The following NAALADL2 variants were observed in gnomAD, a reference collection of about 807,000 sequenced individuals.
NAALADL2 encodes the protein N-acetylated alpha-linked acidic dipeptidase like 2.
In NAALADL2, 76 loss-of-function variants were observed where a neutral mutation model predicts 87.2. The ratio of observed to expected loss-of-function variants is 0.87; its 90% CI spans 0.72 to 1.05. NAALADL2 has a LOEUF of 1.05. Ranked by LOEUF, NAALADL2 falls within the 50% of genes least tolerant of loss-of-function variation. NAALADL2 has a pLI of 0.00. For synonymous variants in NAALADL2, 354 were observed against 331.0 expected (o/e 1.07, Z -0.75); for missense variants, 1,089 against 945.8 (o/e 1.15, Z -1.99).
At chr3:174,882,677 GTA>G (rs141867701) in intron 1 of NAALADL2, among the ~76,000 whole-genome samples, 2,647 of 135,508 alleles carry the variant, frequency 0.02, 106 homozygotes, top group African/African-American at 0.079. Flanking sequence ...ACACATATGT[GTA>G]TATGTGTATC....
chr3:175,056,512 A>G (rs111955041), intron 1 of NAALADL2, among the ~76,000 whole-genome samples: 30,550 of 152,010 alleles, frequency 0.2, 3,774 homozygotes, highest in African/African-American at 0.34. Flanking sequence ...GCCACTTGCC[A>G]AGACAAGGTG....
At chr3:174,897,705 A>C (rs1217869680) in intron 1 of NAALADL2, among the ~76,000 whole-genome samples, 1 of 152,204 alleles carries the variant, frequency 6.6e-6, no homozygotes, top group Admixed American at 6.5e-5. Context: ...TATGAAAGAT[A>C]TATCTGCACT....
chr3:175,629,724 T>C (rs925954924), intron 11 of NAALADL2, among the ~76,000 whole-genome samples: 2 of 151,688 alleles, frequency 1.3e-5, no homozygotes, highest in South Asian at 4.1e-4. Context: ...CACTTAAGAA[T>C]TTCAACTCCT....
At chr3:174,879,362 G>A (rs1728908361) in intron 1 of NAALADL2, among the ~76,000 whole-genome samples, 1 of 151,976 alleles carries the variant, frequency 6.6e-6, no homozygotes, top group Non-Finnish European at 1.5e-5. Context: ...GCACAATACT[G>A]TCTCCAAGTT....
At chr3:174,564,625 T>C (rs1322904887) in intron 2 of NAALADL2, among the ~76,000 whole-genome samples, 3 of 152,178 alleles carry the variant, frequency 2.0e-5, no homozygotes, top group Non-Finnish European at 4.4e-5. Context: ...TTTTGATTTA[T>C]TAATTTTTCT....
intron 1 of NAALADL2, among the ~76,000 whole-genome samples, chr3:175,016,277 A>ATAT (rs60595167): frequency 6.8e-6 from 1 of 147,822 alleles, no homozygotes; most frequent in African/African-American, 2.5e-5. Flanking sequence ...ATATATATAT[A>ATAT]AAAAACAATA....
chr3:175,155,474 G>A (rs571017554), intron 2 of NAALADL2, among the ~76,000 whole-genome samples: 75 of 152,250 alleles, frequency 4.9e-4, no homozygotes, highest in Admixed American at 4.1e-3. Context: ...AGTTCAGGAA[G>A]CTTCTGGTAA....
intron 1 of NAALADL2, among the ~76,000 whole-genome samples, chr3:174,505,034 T>C: frequency 6.6e-6 from 1 of 152,278 alleles, no homozygotes; most frequent in East Asian, 1.9e-4. Flanking sequence ...CGAAATAGAA[T>C]GCAGCACTTT....
At chr3:175,145,665 G>C (rs1730643154) in intron 2 of NAALADL2, among the ~76,000 whole-genome samples, 1 of 148,954 alleles carries the variant, frequency 6.7e-6, no homozygotes, top group Admixed American at 6.8e-5. Flanking sequence ...TTGTATTACT[G>C]TCTTGATACT....
intron 9 of NAALADL2, among the ~76,000 whole-genome samples, chr3:175,522,254 T>C (rs7612551): frequency 0.93 from 140,826 of 151,958 alleles, 65,330 homozygotes; most frequent in East Asian, 0.97. Context: ...ATAATGTAAT[T>C]TCATTAGTTG....
intron 6 of NAALADL2, among the ~76,000 whole-genome samples, chr3:175,454,005 T>A (rs1410795815): frequency 6.6e-6 from 1 of 152,098 alleles, no homozygotes; most frequent in Non-Finnish European, 1.5e-5. Flanking sequence ...TTGTTTTGAG[T>A]ATTAATTTTG....
chr3:174,492,073 C>G (rs1718229836), intron 1 of NAALADL2, among the ~76,000 whole-genome samples: 1 of 151,998 alleles, frequency 6.6e-6, no homozygotes, highest in African/African-American at 2.4e-5. Flanking sequence ...AGTTCAAGAC[C>G]AGCCTGGCCA....
chr3:175,175,109 A>G (rs963843045), intron 2 of NAALADL2, among the ~76,000 whole-genome samples: 30 of 152,040 alleles, frequency 2.0e-4, no homozygotes, highest in African/African-American at 6.8e-4. Flanking sequence ...TACAAATTCT[A>G]TCCAGTAAAG....
intron 5 of NAALADL2, among the ~76,000 whole-genome samples, chr3:175,417,063 T>G (rs1714773530): frequency 1.3e-5 from 2 of 149,736 alleles, no homozygotes; most frequent in African/African-American, 4.9e-5. Context: ...TTGGTTACAA[T>G]TGGGTTAAAT....
intron 8 of NAALADL2, among the ~76,000 whole-genome samples, chr3:175,469,114 T>A (rs1560603268): frequency 1.3e-5 from 2 of 152,076 alleles, no homozygotes; most frequent in Non-Finnish European, 2.9e-5. Context: ...TTTACTGGCA[T>A]TTTAGGTGAC....
intron 11 of NAALADL2, among the ~76,000 whole-genome samples, chr3:175,712,164 A>G (rs1337861722): frequency 6.6e-6 from 1 of 152,032 alleles, no homozygotes; most frequent in Non-Finnish European, 1.5e-5. Flanking sequence ...AATAAAAACA[A>G]TATTTGATGC....
At chr3:175,641,520 A>G (rs1729286666) in intron 11 of NAALADL2, among the ~76,000 whole-genome samples, 1 of 152,166 alleles carries the variant, frequency 6.6e-6, no homozygotes, top group Admixed American at 6.5e-5. Flanking sequence ...CAAATCACTA[A>G]AGAGCAATTT....
rs912937315 is a variant in NAALADL2, at chr3:175,430,206, A to C, written c.1091-17023A>C. On this transcript the variant is annotated intron_variant, in intron 5 of 13. Coordinates refer to ENST00000454872, the MANE Select transcript of NAALADL2 (RefSeq NM_207015.3). ...TTTGGCCGTTAAATTATGCATTGAG[A>C]ACTACCATTCTAAATTCTACCATTT... 2.0e-4 allele frequency among the ~76,000 whole-genome samples: 30 copies of C among 152,024 alleles called. 2 individuals are homozygous for C. Among genetic ancestry groups the C allele is most frequent in the Admixed American group, 1.3e-3 (20 of 15,218 alleles).
At chr3:175,194,003 G>C (rs1337680069) in intron 2 of NAALADL2, among the ~76,000 whole-genome samples, 3 of 151,878 alleles carry the variant, frequency 2.0e-5, no homozygotes, top group Non-Finnish European at 3.0e-5. Flanking sequence ...GAAATTACAT[G>C]TATATCTTCA....
Sources: gnomAD v4.1 joint callset for allele counts (sites outside exome capture counted in the v4.1 genomes callset) on GRCh38, gnomAD v4.1.1 for gene constraint, MANE v1.5 for transcripts, NCBI Gene and HGNC (gene_info 2026-07-23, HGNC 2026-07-21) for gene names.